The following CLSTN2 variants were observed in gnomAD, a reference collection of about 807,000 sequenced individuals.
CLSTN2 encodes the protein calsyntenin 2, also known as calsyntenin-2.
CLSTN2 carries 48 observed loss-of-function variants against 101.2 expected under a neutral mutation model. The ratio of observed to expected loss-of-function variants is 0.47; its 90% CI spans 0.38 to 0.60. CLSTN2 has a LOEUF of 0.60. Among genes scored for constraint, CLSTN2 ranks in the 20% least tolerant of loss-of-function variants. CLSTN2 has a pLI of 0.00. For synonymous variants in CLSTN2, 481 were observed against 463.6 expected, an observed-to-expected ratio of 1.04 and a Z score of -0.48; for missense variants, 1,160 against 1,238.2, an observed-to-expected ratio of 0.94 and a Z score of 0.95.
chr3:139,953,977 C>A (rs1935342752), intron 1 of CLSTN2, among the ~76,000 whole-genome samples: 2 of 113,836 alleles, frequency 1.8e-5, no homozygotes, highest in Non-Finnish European at 4.0e-5. Flanking sequence ...TTTTCCCCTT[C>A]TAACTTTTAT....
At chr3:140,541,111 C>T (rs1282468933) in intron 9 of CLSTN2, among the ~76,000 whole-genome samples, 1 of 152,112 alleles carries the variant, frequency 6.6e-6, no homozygotes, top group East Asian at 1.9e-4. Flanking sequence ...CAAGAAATTC[C>T]CCCTTGAACC....
intron 4 of CLSTN2, among the ~76,000 whole-genome samples, chr3:140,416,656 T>C (rs2088434428): frequency 6.6e-6 from 1 of 152,186 alleles, no homozygotes; most frequent in Admixed American, 6.5e-5. Flanking sequence ...ACCAGTAAAA[T>C]GGAAATTGAA....
chr3:140,064,994 T>C (rs2008274696), intron 1 of CLSTN2, among the ~76,000 whole-genome samples: 1 of 152,252 alleles, frequency 6.6e-6, no homozygotes, highest in Admixed American at 6.5e-5. Flanking sequence ...CTCTGAAATG[T>C]ATGGCATTCT....
At chr3:140,326,893 T>G (rs2087336618) in intron 2 of CLSTN2, among the ~76,000 whole-genome samples, 1 of 152,224 alleles carries the variant, frequency 6.6e-6, no homozygotes, top group African/African-American at 2.4e-5. Flanking sequence ...AAAGGTCGAC[T>G]TTTTGGATGT....
At chr3:139,979,606 T>C (rs781551729) in intron 1 of CLSTN2, among the ~76,000 whole-genome samples, 3 of 152,188 alleles carry the variant, frequency 2.0e-5, no homozygotes, top group African/African-American at 4.8e-5. Context: ...GCTTTTACTA[T>C]TATGTCTCAG....
At chr3:140,055,624 A>G (rs1394957833) in intron 1 of CLSTN2, among the ~76,000 whole-genome samples, 1 of 152,218 alleles carries the variant, frequency 6.6e-6, no homozygotes, top group African/African-American at 2.4e-5. Flanking sequence ...ATAAAACTAA[A>G]GCGTTCAGCG....
chr3:140,005,356 T>G (rs1448128444), intron 1 of CLSTN2, among the ~76,000 whole-genome samples: 1 of 152,182 alleles, frequency 6.6e-6, no homozygotes, highest in East Asian at 1.9e-4. Flanking sequence ...TCTCTCTCCA[T>G]TTGTACTTGT....
chr3:140,227,570 C>T (rs2086334284), intron 2 of CLSTN2, among the ~76,000 whole-genome samples: 1 of 152,182 alleles, frequency 6.6e-6, no homozygotes, highest in African/African-American at 2.4e-5. Flanking sequence ...TCTCACAGCT[C>T]CACTAGGGAG....
intron 1 of CLSTN2, among the ~76,000 whole-genome samples, chr3:140,133,268 C>T (rs572079715): frequency 8.5e-5 from 13 of 152,158 alleles, no homozygotes; most frequent in South Asian, 2.1e-4. Context: ...CCAAGCCATT[C>T]GTGAGGGATC....
chr3:140,131,943 A>G lies in CLSTN2; in HGVS notation c.110-44008A>G, dbSNP rs540027460. 1.2e-3 allele frequency among the ~76,000 whole-genome samples: 188 copies of G among 152,254 alleles called. 1 individual carries two copies. The highest frequency in any genetic ancestry group is 4.4e-3 in the African/African-American group (184 of 41,560). ...GGAATTAATGTAGACACAAACAGTG[A>G]CGTTTAAAACGTTGAAGACTAAATA... On this transcript the variant is annotated intron_variant, in intron 1 of 16. Transcript: ENST00000458420.
intron 2 of CLSTN2, among the ~76,000 whole-genome samples, chr3:140,396,770 A>G (rs1353804405): frequency 6.6e-6 from 1 of 152,226 alleles, no homozygotes; most frequent in African/African-American, 2.4e-5. Flanking sequence ...CTAGCTGTGG[A>G]ATACAAAGCA....
chr3:140,044,391 CTT>C (rs1372716457), intron 1 of CLSTN2, among the ~76,000 whole-genome samples: 7 of 152,182 alleles, frequency 4.6e-5, no homozygotes, highest in African/African-American at 1.4e-4. Context: ...TATCCTGAGA[CTT>C]TGCTGAAGTT....
intron 1 of CLSTN2, among the ~76,000 whole-genome samples, chr3:140,137,594 G>T (rs1045681578): frequency 6.6e-6 from 1 of 152,104 alleles, no homozygotes; most frequent in South Asian, 2.1e-4. Context: ...ATGTGTTAGG[G>T]GTAGTAATGA....
rs1257845400 is a variant in CLSTN2 at position 140,567,945 on chromosome 3, C to G, written c.*1692C>G. Reference sequence around the variant, plus strand: ...GATTCATGAGAACAACCTTGTGAAGCTTTTCCCACCTCCTAAAGTGTTTTC... The same window carrying G: ...GATTCATGAGAACAACCTTGTGAAGGTTTTCCCACCTCCTAAAGTGTTTTC... On this transcript the variant is annotated 3_prime_UTR_variant, in exon 17 of 17. Coordinates refer to ENST00000458420, the MANE Select transcript of CLSTN2 (RefSeq NM_022131.3). The G allele has an allele frequency of 6.6e-6, 1 of 152,262 alleles. No homozygotes were observed. The highest frequency in any genetic ancestry group is 1.5e-5 in the Non-Finnish European group (1 of 68,066). The allele number at this position is 152,262 out of a possible 1,614,324, so 9.4% of individuals were successfully genotyped here.
At chr3:140,311,287 C>CTTTTTTTTTTTTTTTTTTTTTTTTT (rs750088450) in intron 2 of CLSTN2, among the ~76,000 whole-genome samples, 2 of 52,080 alleles carry the variant, frequency 3.8e-5, no homozygotes, top group Non-Finnish European at 6.4e-5. Flanking sequence ...GTTTATTATC[C>CTTTTTTTTTTTTTTTTTTTTTTTTT]TTTTTTTTTT....
intron 1 of CLSTN2, among the ~76,000 whole-genome samples, chr3:140,064,235 C>A (rs1241483610): frequency 6.6e-6 from 1 of 152,196 alleles, no homozygotes; most frequent in African/African-American, 2.4e-5. Context: ...AACAGTTATG[C>A]AATCCCTTTT....
intron 12 of CLSTN2, among the ~76,000 whole-genome samples, chr3:140,560,378 T>C (rs1380260620): frequency 6.6e-6 from 1 of 152,168 alleles, no homozygotes; most frequent in Non-Finnish European, 1.5e-5. Flanking sequence ...TCACACTCTG[T>C]TAGTTCACAC....
intron 1 of CLSTN2, among the ~76,000 whole-genome samples, chr3:140,093,024 C>A (rs947590709): frequency 3.3e-5 from 5 of 152,070 alleles, no homozygotes; most frequent in Non-Finnish European, 7.4e-5. Flanking sequence ...ACCATCTGGG[C>A]CCCTGTGAGG....
intron 1 of CLSTN2, among the ~76,000 whole-genome samples, chr3:139,944,018 C>G (rs567856555): frequency 6.6e-6 from 1 of 152,220 alleles, no homozygotes; most frequent in Non-Finnish European, 1.5e-5. Context: ...GGCCTTCTCT[C>G]CTGTCAGTGA....
Sources: allele counts gnomAD v4.1 joint callset (sites outside exome capture counted in the v4.1 genomes callset), GRCh38; gene constraint gnomAD v4.1.1; transcripts MANE v1.5; gene names NCBI Gene and HGNC (gene_info 2026-07-23, HGNC 2026-07-21).